The following MICU1 variants were observed in gnomAD, a reference collection of about 807,000 sequenced individuals.
MICU1 encodes mitochondrial calcium uptake 1.
MICU1 carries 45 observed loss-of-function variants against 56.8 expected under a neutral mutation model. That is an observed-to-expected ratio of 0.79 (90% CI 0.62 to 1.02). The LOEUF (loss-of-function observed/expected upper bound fraction) is 1.02, where lower values mean the gene tolerates loss of function less well. Among genes scored for constraint, MICU1 ranks in the 50% least tolerant of loss-of-function variants. The pLI is 0.00. For synonymous variants in MICU1, 186 were observed against 195.1 expected, an observed-to-expected ratio of 0.95 and a Z score of 0.39; for missense variants, 504 against 587.1, an observed-to-expected ratio of 0.86 and a Z score of 1.46.
At chr10:72,502,976 G>A in intron 6 of MICU1, 1 of 159,432 alleles carries the variant, frequency 6.3e-6, no homozygotes, top group Admixed American at 6.4e-5. Flanking sequence ...GCTTAACACT[G>A]CTGAATATGT....
At chr10:72,411,986 A>T (rs1863830345) in intron 9 of MICU1, among the ~76,000 whole-genome samples, 1 of 152,240 alleles carries the variant, frequency 6.6e-6, no homozygotes, top group South Asian at 2.1e-4. Flanking sequence ...GATATAATAA[A>T]AAATTTTATT....
intron 10 of MICU1, among the ~76,000 whole-genome samples, chr10:72,395,256 C>T (rs1055538913): frequency 9.9e-5 from 15 of 152,026 alleles, no homozygotes; most frequent in African/African-American, 2.7e-4. Flanking sequence ...ACCTTGTGAT[C>T]GGCCCAATAT....
intron 4 of MICU1, among the ~76,000 whole-genome samples, chr10:72,541,563 G>C (rs939528983): frequency 2.6e-5 from 4 of 152,078 alleles, no homozygotes; most frequent in Admixed American, 2.6e-4. Context: ...CATGAGGACT[G>C]TTTTCCACAC....
chr10:72,567,086 T>C (rs527897863), intron 1 of MICU1, among the ~76,000 whole-genome samples: 2 of 152,236 alleles, frequency 1.3e-5, no homozygotes, highest in South Asian at 4.1e-4. Flanking sequence ...ATGTGGCTCA[T>C]GCCTGTAATC....
At chr10:72,400,013 T>C (rs117794472) in intron 10 of MICU1, among the ~76,000 whole-genome samples, 4,378 of 152,120 alleles carry the variant, frequency 0.029, 120 homozygotes, top group Non-Finnish European at 0.04. Context: ...GGCAGATTTT[T>C]CCCCCTTCCA....
At position 72,566,804 on chromosome 10, in the gene MICU1, A is replaced by G. The variant is rs766257251; in HGVS notation, c.-1-10T>C. On this transcript the variant is annotated splice_polypyrimidine_tract_variant and intron_variant, in intron 1 of 11. Coordinates refer to ENST00000361114, the MANE Select transcript of MICU1 (RefSeq NM_001195518.2). ...GTTCAGACGAAACATCCTGTGGACAATAAGTAGAAATGTCACTCTTAGCTA... is the reference window on the plus strand; with the variant it reads ...GTTCAGACGAAACATCCTGTGGACAGTAAGTAGAAATGTCACTCTTAGCTA... 5.4e-5 allele frequency: 87 copies of G among 1,602,164 alleles called. No homozygotes were observed. Among genetic ancestry groups the G allele is most frequent in the Middle Eastern group, 5.0e-4 (3 of 6,010 alleles).
chr10:72,518,047 T>G (rs79584612), intron 5 of MICU1, among the ~76,000 whole-genome samples: 1 of 151,450 alleles, frequency 6.6e-6, no homozygotes, highest in African/African-American at 2.4e-5. Flanking sequence ...TTTTTTTTTT[T>G]CCTGAGATGG....
At chr10:72,548,316 TATCA>T (rs1425225343) in intron 4 of MICU1, among the ~76,000 whole-genome samples, 1 of 152,190 alleles carries the variant, frequency 6.6e-6, no homozygotes, top group Non-Finnish European at 1.5e-5. Flanking sequence ...TGAAGAGACA[TATCA>T]ATCAAATGCA....
intron 10 of MICU1, among the ~76,000 whole-genome samples, chr10:72,404,230 T>C (rs2132095383): frequency 6.7e-6 from 1 of 148,518 alleles, no homozygotes; most frequent in South Asian, 2.1e-4. Flanking sequence ...CCTCAAGTGA[T>C]CCACCCACCT....
chr10:72,413,005 T>C (rs972590177), intron 9 of MICU1, among the ~76,000 whole-genome samples: 2 of 152,122 alleles, frequency 1.3e-5, no homozygotes, highest in South Asian at 2.1e-4. Context: ...GAGACCAGCC[T>C]GGCCAACATG....
intron 4 of MICU1, among the ~76,000 whole-genome samples, chr10:72,536,768 TTAA>T (rs1409274547): frequency 3.9e-5 from 6 of 152,228 alleles, no homozygotes; most frequent in Admixed American, 2.6e-4. Flanking sequence ...AGAGAAAATA[TTAA>T]TGAGATATTT....
chr10:72,403,725 G>A (rs945979246), intron 10 of MICU1, among the ~76,000 whole-genome samples: 2 of 149,310 alleles, frequency 1.3e-5, no homozygotes, highest in African/African-American at 4.9e-5. Context: ...GTGCAATCTC[G>A]GCTCACTGCA....
intron 6 of MICU1, among the ~76,000 whole-genome samples, chr10:72,479,219 A>T (rs1327448873): frequency 6.6e-6 from 1 of 152,198 alleles, no homozygotes; most frequent in Non-Finnish European, 1.5e-5. Context: ...TGGGAATTGA[A>T]CTTAAGTCAA....
intron 6 of MICU1, among the ~76,000 whole-genome samples, chr10:72,502,162 T>TG (rs200206638): frequency 0.028 from 3,935 of 138,182 alleles, 162 homozygotes; most frequent in African/African-American, 0.098. Flanking sequence ...TTTTTTGTTT[T>TG]TTTTTTTTTT....
chr10:72,577,178 C>CT (rs1029725734), intron 1 of MICU1, among the ~76,000 whole-genome samples: 65 of 151,866 alleles, frequency 4.3e-4, no homozygotes, highest in African/African-American at 1.5e-3. Context: ...TCTGGGGGCT[C>CT]TGGGGGGACA....
At chr10:72,436,102 C>A (rs1029713193) in intron 8 of MICU1, among the ~76,000 whole-genome samples, 3 of 152,216 alleles carry the variant, frequency 2.0e-5, no homozygotes, top group Admixed American at 1.3e-4. Context: ...GGTCCCTGAC[C>A]CCCATGTAGC....
intron 8 of MICU1, among the ~76,000 whole-genome samples, chr10:72,429,916 C>G (rs959569382): frequency 2.0e-5 from 3 of 152,048 alleles, no homozygotes; most frequent in African/African-American, 7.2e-5. Flanking sequence ...AATAACTTGC[C>G]CACACAGTTA....
intron 1 of MICU1, among the ~76,000 whole-genome samples, chr10:72,603,379 T>A (rs1266176218): frequency 8.0e-6 from 1 of 125,704 alleles, no homozygotes; most frequent in Non-Finnish European, 1.9e-5. Context: ...AGAGCAAGAC[T>A]CTGTCTCAAA....
At chr10:72,489,306 AC>A (rs1866576618) in intron 6 of MICU1, among the ~76,000 whole-genome samples, 2 of 140,916 alleles carry the variant, frequency 1.4e-5, no homozygotes, top group South Asian at 2.1e-4. Flanking sequence ...ACACACACAC[AC>A]ACACACACAC....
Sources: allele counts gnomAD v4.1 joint callset (sites outside exome capture counted in the v4.1 genomes callset), GRCh38; gene constraint gnomAD v4.1.1; transcripts MANE v1.5; gene names NCBI Gene and HGNC (gene_info 2026-07-23, HGNC 2026-07-21).